Variants in TMEM126A observed in about 807,000 individuals in gnomAD.
TMEM126A encodes the protein transmembrane protein 126A.
TMEM126A carries 10 observed loss-of-function variants against 18.3 expected under a neutral mutation model. The observed-to-expected ratio is 0.55, with a 90% CI of 0.34 to 0.93. The LOEUF is 0.93. Among genes scored for constraint, TMEM126A ranks in the 40% least tolerant of loss-of-function variants. TMEM126A has a pLI of 0.02. For synonymous variants in TMEM126A, 68 were observed against 78.1 expected (o/e 0.87, Z 0.68); for missense variants, 246 against 230.2 (o/e 1.07, Z -0.44).
chr11:85,648,404 A>C lies in TMEM126A; in HGVS notation c.-8+315A>C, dbSNP rs185141773. On this transcript the variant is annotated intron_variant, in intron 1 of 4. Coordinates refer to ENST00000304511, the MANE Select transcript of TMEM126A (RefSeq NM_032273.4). ...CTTTCAGATAGGCCCCACACTGCCTATCTCTCAGAGCTCTTCCAAGAATGA... is the reference window on the plus strand; with the variant it reads ...CTTTCAGATAGGCCCCACACTGCCTCTCTCTCAGAGCTCTTCCAAGAATGA... 4.7e-3 allele frequency among the ~76,000 whole-genome samples: 712 copies of C among 152,308 alleles called. 3 individuals carry two copies. The highest frequency in any genetic ancestry group is 0.016 in the African/African-American group (676 of 41,548).
At chr11:85,651,627 T>C (rs1435061888) in intron 2 of TMEM126A, among the ~76,000 whole-genome samples, 3 of 151,946 alleles carry the variant, frequency 2.0e-5, no homozygotes, top group African/African-American at 7.3e-5. Flanking sequence ...ACCATCTTAA[T>C]CAGGGAGAAC....
intron 1 of TMEM126A, among the ~76,000 whole-genome samples, chr11:85,650,036 A>G (rs1011493900): frequency 1.3e-5 from 2 of 152,204 alleles, no homozygotes; most frequent in Admixed American, 6.5e-5. Flanking sequence ...TTTAGGAAAT[A>G]CTTTCAAGGA....
Position 85,654,265 on chromosome 11 carries a change from T to C in TMEM126A, c.280+9T>C. On this transcript the variant is annotated intron_variant, in intron 3 of 4. Transcript: ENST00000304511. ...TTTTCCTTTGAATACAGGTAAATTC[T>C]ACTTCACTATCACCAAAGAGTTTGC... The C allele has an allele frequency of 6.2e-7, 1 of 1,613,364 alleles. No homozygotes were observed. The highest frequency in any genetic ancestry group is 8.5e-7 in the Non-Finnish European group (1 of 1,179,542).
chr11:85,648,379 C>T (rs1375686079), intron 1 of TMEM126A, among the ~76,000 whole-genome samples: 1 of 152,214 alleles, frequency 6.6e-6, no homozygotes. Context: ...CTTTACTTCT[C>T]TTTCAGATAG....
rs2082529373 is a variant in TMEM126A at position 85,655,292 on chromosome 11, T to C, written c.281-302T>C. ...AATTGAACAGACTGAGTGAAAATAT[T>C]AGCCTAGGTCTGTTGATAAAAAACA... On this transcript the variant is annotated intron_variant, in intron 3 of 4. Coordinates refer to ENST00000304511, the MANE Select transcript of TMEM126A (RefSeq NM_032273.4). 1.0e-5 allele frequency: 3 copies of C among 293,590 alleles called. No individual in the cohort carries two copies. In the Admixed American group the frequency reaches 1.5e-4, roughly 14 times the overall value. The allele number at this position is 293,590 out of a possible 1,614,324, so 18.2% of individuals were successfully genotyped here.
intron 2 of TMEM126A, among the ~76,000 whole-genome samples, chr11:85,653,286 T>A (rs1489852231): frequency 6.6e-6 from 1 of 152,196 alleles, no homozygotes; most frequent in Non-Finnish European, 1.5e-5. Flanking sequence ...GCTGAGTTCC[T>A]AGAAAAGCTA....
chr11:85,650,808 G>A (rs565822692), intron 2 of TMEM126A, among the ~76,000 whole-genome samples: 15 of 152,106 alleles, frequency 9.9e-5, no homozygotes, highest in African/African-American at 2.7e-4. Flanking sequence ...GGTGGCTCAC[G>A]CCAGTAATCC....
intron 2 of TMEM126A, among the ~76,000 whole-genome samples, chr11:85,652,485 C>A (rs1053817138): frequency 8.5e-5 from 13 of 152,156 alleles, no homozygotes; most frequent in African/African-American, 3.1e-4. Context: ...ATTTTCTGAT[C>A]TACAGCAATA....
At chr11:85,652,104 C>G (rs1453206403) in intron 2 of TMEM126A, among the ~76,000 whole-genome samples, 1 of 152,192 alleles carries the variant, frequency 6.6e-6, no homozygotes, top group African/African-American at 2.4e-5. Flanking sequence ...GCGGATGTTG[C>G]ATGGAGCTGA....
In TMEM126A at chr11:85,654,124, GCAAA is replaced by G. The variant is rs747688547; in HGVS notation, c.151_154del (p.Asn51ValfsTer7). 3 of 1,614,180 alleles carry G rather than the reference GCAAA, an allele frequency of 1.9e-6. No homozygotes were observed. The highest frequency in any genetic ancestry group is 3.3e-5 in the Admixed American group (2 of 60,022). ...AAATGCTGCTCTTTGTGGCCTCATAGCAAACAGTCTTTTTCGACGCATCTTGAAT... is the reference window on the plus strand; with the variant it reads ...AAATGCTGCTCTTTGTGGCCTCATAGCAGTCTTTTTCGACGCATCTTGAAT... On this transcript the variant is annotated frameshift_variant, in exon 3 of 5. Coordinates refer to ENST00000304511, the MANE Select transcript of TMEM126A (RefSeq NM_032273.4). LOFTEE classifies it high-confidence loss of function.
At chr11:85,651,190 G>T (rs974567512) in intron 2 of TMEM126A, among the ~76,000 whole-genome samples, 3 of 151,424 alleles carry the variant, frequency 2.0e-5, no homozygotes, top group African/African-American at 7.3e-5. Flanking sequence ...TGACAGTCAA[G>T]AAGGTCTCTC....
chr11:85,656,475 TCTGAAC>T lies in TMEM126A; in HGVS notation c.566_571del (p.Glu189_Pro190del), dbSNP rs1565801548. On this transcript the variant is annotated inframe_deletion, in exon 5 of 5. Transcript: ENST00000304511. ...ACTACTTATAAAGGCCCTTCAGTTATCTGAACCTGGCAAAGAAATTCACTGATTTTA... is the reference window on the plus strand; with the variant it reads ...ACTACTTATAAAGGCCCTTCAGTTATCTGGCAAAGAAATTCACTGATTTTA... 6.2e-7 allele frequency: 1 copy of T among 1,613,134 alleles called. No homozygotes were observed. Among genetic ancestry groups the T allele is most frequent in the South Asian group, 1.1e-5 (1 of 91,048 alleles).
At chr11:85,652,207 G>A (rs2082505961) in intron 2 of TMEM126A, among the ~76,000 whole-genome samples, 1 of 152,210 alleles carries the variant, frequency 6.6e-6, no homozygotes, top group Non-Finnish European at 1.5e-5. Flanking sequence ...AAAGCAGTCT[G>A]TCACTGGGTT....
Position 85,654,235 on chromosome 11 carries a change from G to GT in TMEM126A, c.260dup (p.Ser88LysfsTer8), listed in dbSNP as rs1343749498. 1.9e-6 allele frequency: 3 copies of GT among 1,613,978 alleles called. No individual in the cohort carries two copies. Among genetic ancestry groups the GT allele is most frequent in the Admixed American group, 3.3e-5 (2 of 59,998 alleles). The stretch of plus-strand genomic sequence containing the variant: ...AACAGACTTAACTTACAGATGTTTT[G>GT]TAAGTTTTCCTTTGAATACAGGTAA... On this transcript the variant is annotated frameshift_variant, in exon 3 of 5. Transcript: ENST00000304511. LOFTEE classifies it high-confidence loss of function.
At chr11:85,654,342 C>T (rs1400804029) in intron 3 of TMEM126A, 86 bp downstream of exon 3, 2 of 1,273,136 alleles carry the variant, frequency 1.6e-6, no homozygotes, top group Non-Finnish European at 2.3e-6. Flanking sequence ...TATCAAGTAG[C>T]TGTATGCTGT....
chr11:85,654,377 T>A, intron 3 of TMEM126A, 121 bp downstream of exon 3: 1 of 986,308 alleles, frequency 1.0e-6, no homozygotes, highest in Non-Finnish European at 1.5e-6. Context: ...TAAATCTTGC[T>A]AGCCTATATA....
intron 2 of TMEM126A, among the ~76,000 whole-genome samples, chr11:85,650,927 G>T (rs1290619757): frequency 6.6e-6 from 1 of 151,996 alleles, no homozygotes; most frequent in Non-Finnish European, 1.5e-5. Flanking sequence ...AAATTAGCTG[G>T]GCGTGGTGGC....
intron 2 of TMEM126A, among the ~76,000 whole-genome samples, chr11:85,652,055 T>C (rs538272806): frequency 1.3e-5 from 2 of 152,252 alleles, no homozygotes; most frequent in East Asian, 3.9e-4. Context: ...TCCTACCCAC[T>C]GGAGAAGCTG....
chr11:85,655,047 C>G (rs1009570956), intron 3 of TMEM126A, among the ~76,000 whole-genome samples: 3 of 151,992 alleles, frequency 2.0e-5, no homozygotes, highest in African/African-American at 7.2e-5. Context: ...TTTTGAAAAT[C>G]TACCATGTGT....
Sources: allele counts gnomAD v4.1 joint callset (sites outside exome capture counted in the v4.1 genomes callset), GRCh38; gene constraint gnomAD v4.1.1; transcripts MANE v1.5; gene names NCBI Gene and HGNC (gene_info 2026-07-23, HGNC 2026-07-21).